PRPSAP2: variants seen among roughly 807,000 people sequenced by gnomAD.
PRPSAP2 encodes phosphoribosyl pyrophosphate synthetase associated protein 2.
A neutral mutation model predicts 40.6 loss-of-function variants in PRPSAP2; 24 were observed. The observed-to-expected ratio is 0.59, with a 90% CI of 0.43 to 0.83. The LOEUF (loss-of-function observed/expected upper bound fraction) is 0.83. Ranked by LOEUF, PRPSAP2 falls within the 40% of genes least tolerant of loss-of-function variation. PRPSAP2 has a pLI of 0.00. For synonymous variants in PRPSAP2, 149 were observed against 164.7 expected, an observed-to-expected ratio of 0.90 and a Z score of 0.73; for missense variants, 292 against 465.6, an observed-to-expected ratio of 0.63 and a Z score of 3.43.
chr17:18,868,929 T>A (rs1421519862), intron 4 of PRPSAP2, among the ~76,000 whole-genome samples: 2 of 152,134 alleles, frequency 1.3e-5, no homozygotes, highest in Non-Finnish European at 2.9e-5. Context: ...GGCACAAGTT[T>A]TGCTGTTCCC....
At chr17:18,929,257 T>C (rs1389475189) in intron 11 of PRPSAP2, among the ~76,000 whole-genome samples, 1 of 151,940 alleles carries the variant, frequency 6.6e-6, no homozygotes, top group Non-Finnish European at 1.5e-5. Context: ...CTTGGGAGGC[T>C]GAGGCAAGAG....
intron 8 of PRPSAP2, among the ~76,000 whole-genome samples, chr17:18,903,748 A>G (rs182408932): frequency 1.4e-3 from 219 of 152,244 alleles, no homozygotes; most frequent in Admixed American, 3.3e-3. Flanking sequence ...ACAAAGTAAA[A>G]TAAAAAGGTA....
In PRPSAP2 at chr17:18,929,095, G is replaced by A. The variant is rs1054393690; in HGVS notation, c.951+138G>A. 6 of 1,298,298 alleles carry A rather than the reference G, an allele frequency of 4.6e-6. No individual in the cohort carries two copies. The African/African-American group carries it at 6.0e-5, about 13-fold the overall frequency. 80.4% of individuals were successfully genotyped at this position (1,298,298 alleles called of 1,614,324 possible). A position where few individuals can be genotyped will look rare whatever the true frequency, so the allele number is the denominator to read the frequency against. On this transcript the variant is annotated intron_variant, in intron 11 of 11. Transcript: ENST00000268835. ...TCAAGGGCTGGGTGCAGTGGTTCACGCCTGTAATCCCAGCACTTTGGGAGG... is the reference window on the plus strand; with the variant it reads ...TCAAGGGCTGGGTGCAGTGGTTCACACCTGTAATCCCAGCACTTTGGGAGG...
rs145030020 is a variant in PRPSAP2, at chr17:18,892,045, T to G, written c.584+2168T>G. ...GTAATTTTTGTATTTCTGGTAGAGA[T>G]GAGGTTTCACCATGTTGGTCAGGCT... On this transcript the variant is annotated intron_variant, in intron 8 of 11. Coordinates refer to ENST00000268835, the MANE Select transcript of PRPSAP2 (RefSeq NM_002767.4). 3.9e-3 allele frequency among the ~76,000 whole-genome samples: 592 copies of G among 152,284 alleles called. 1 individual carries two copies. The highest frequency in any genetic ancestry group is 0.013 in the African/African-American group (541 of 41,554).
chr17:18,863,178 G>C (rs1301875103), intron 1 of PRPSAP2, among the ~76,000 whole-genome samples: 1 of 151,946 alleles, frequency 6.6e-6, no homozygotes, highest in Non-Finnish European at 1.5e-5. Context: ...CCATCGTCCA[G>C]GCAGGAGTGC....
rs750772202 is a variant in PRPSAP2, at chr17:18,865,801, G to A, written c.-32-1G>A. On this transcript the variant is annotated splice_acceptor_variant, in intron 2 of 11. Coordinates refer to ENST00000268835, the MANE Select transcript of PRPSAP2 (RefSeq NM_002767.4). LOFTEE classifies it low-confidence loss of function (5UTR_SPLICE). Reference sequence around the variant, plus strand: ...TTTTAATAAGTATTATATCCTTCTAGGCTCTGAAAATTGGAAAACCAAGAA... The same window carrying A: ...TTTTAATAAGTATTATATCCTTCTAAGCTCTGAAAATTGGAAAACCAAGAA... 9 of 1,438,148 alleles carry A rather than the reference G, an allele frequency of 6.3e-6. 1 individual carries two copies. Among genetic ancestry groups the A allele is most frequent in the Admixed American group, 4.2e-5 (2 of 47,398 alleles). 89.1% of individuals were successfully genotyped at this position (1,438,148 alleles called of 1,614,324 possible).
At chr17:18,904,844 C>T (rs939662525) in intron 8 of PRPSAP2, 1 of 152,106 alleles carries the variant, frequency 6.6e-6, no homozygotes, top group Non-Finnish European at 1.5e-5. Flanking sequence ...CATTATCGTA[C>T]AATCAGGATC....
intron 1 of PRPSAP2, among the ~76,000 whole-genome samples, chr17:18,862,802 T>C (rs72842306): frequency 0.51 from 63,180 of 124,292 alleles, 13,525 homozygotes; most frequent in Middle Eastern, 0.55. Flanking sequence ...TTTATTTATT[T>C]ATTTATTTAT....
In PRPSAP2 at chr17:18,872,530, GA is replaced by G. The variant is rs568403689; in HGVS notation, c.173-48del. ...TAATACAGATTTTTTTGTGTATTTT[GA>G]AAAATTTGAACTATATGCCTTTCCC... On this transcript the variant is annotated intron_variant, in intron 4 of 11. Coordinates refer to ENST00000268835, the MANE Select transcript of PRPSAP2 (RefSeq NM_002767.4). The G allele has an allele frequency of 3.7e-3, 5,151 of 1,389,754 alleles. 17 individuals carry two copies. The highest frequency in any genetic ancestry group is 4.6e-3 in the Non-Finnish European group (4,576 of 991,152). 86.1% of individuals were successfully genotyped at this position (1,389,754 alleles called of 1,614,324 possible).
chr17:18,865,992 G>A, intron 3 of PRPSAP2, 40 bp downstream of exon 3: 3 of 1,308,932 alleles, frequency 2.3e-6, no homozygotes, highest in African/African-American at 1.5e-5. Flanking sequence ...TATTCATTAT[G>A]TGATGCTTTA....
In PRPSAP2 at chr17:18,877,728, G is replaced by C. The variant is rs754553601; in HGVS notation, c.270G>C (p.Leu90=). The C allele has an allele frequency of 3.7e-6, 6 of 1,610,556 alleles. No individual in the cohort carries two copies. In the East Asian group the frequency reaches 1.1e-4, roughly 30 times the overall value. ...KDVNTTIMEL[L]IMVYACKTSC... ...TGAACACCACCATCATGGAGCTCCT[G>C]ATCATGGTGTATGCATGTAAGACCT... The change falls in exon 6 of 12, where the codon CTG becomes CTC. Residue 90 remains leucine, a synonymous_variant. Transcript: ENST00000268835.
chr17:18,866,116 T>G (rs1597516456), intron 3 of PRPSAP2, among the ~76,000 whole-genome samples, 164 bp downstream of exon 3: 1 of 152,184 alleles, frequency 6.6e-6, no homozygotes, highest in Middle Eastern at 3.4e-3. Context: ...ATGCAAGATG[T>G]TCATGTAGTA....
intron 6 of PRPSAP2, among the ~76,000 whole-genome samples, chr17:18,882,003 G>A (rs1044688789): frequency 1.2e-4 from 18 of 151,376 alleles, no homozygotes; most frequent in African/African-American, 4.1e-4. Context: ...ACCACGCCCA[G>A]CTAATTTTTG....
chr17:18,856,718 AG>A (rs2151863378), upstream of PRPSAP2, among the ~76,000 whole-genome samples: 1 of 152,354 alleles, frequency 6.6e-6, no homozygotes, highest in African/African-American at 2.4e-5. Flanking sequence ...AGGTAAGTGA[AG>A]ACTGGTGCAA....
chr17:18,892,465 A>G lies in PRPSAP2; in HGVS notation c.584+2588A>G, dbSNP rs545443246. Among the ~76,000 whole-genome samples, 70 of 152,150 alleles carry G rather than the reference A, an allele frequency of 4.6e-4. No homozygotes were observed. In the South Asian group the frequency reaches 0.013, roughly 29 times the overall value. The stretch of plus-strand genomic sequence containing the variant: ...CCACCAGCAGAGTATGAGGGTTCCA[A>G]CTTCTCCACATCTTCACCAACACTT... On this transcript the variant is annotated intron_variant, in intron 8 of 11. Coordinates refer to ENST00000268835, the MANE Select transcript of PRPSAP2 (RefSeq NM_002767.4).
chr17:18,873,295 T>A (rs910846515), intron 5 of PRPSAP2, among the ~76,000 whole-genome samples: 1 of 92,364 alleles, frequency 1.1e-5, no homozygotes. Flanking sequence ...CCGCAACCTC[T>A]GCTTCCCAGG....
chr17:18,862,581 A>G (rs1697754698), intron 1 of PRPSAP2, among the ~76,000 whole-genome samples: 1 of 152,122 alleles, frequency 6.6e-6, no homozygotes. Flanking sequence ...CAGAAATTTT[A>G]CAGTCACCTG....
intron 5 of PRPSAP2, among the ~76,000 whole-genome samples, chr17:18,875,069 A>G (rs2038175677): frequency 6.6e-6 from 1 of 152,072 alleles, no homozygotes; most frequent in Admixed American, 6.6e-5. Context: ...ACATTTCAAT[A>G]CTTATCCTGT....
At chr17:18,863,110 G>A (rs1474330782) in intron 1 of PRPSAP2, among the ~76,000 whole-genome samples, 5 of 151,940 alleles carry the variant, frequency 3.3e-5, no homozygotes, top group African/African-American at 2.4e-5. Flanking sequence ...ATGAGCCACC[G>A]TGCCCGGCAA....
Sources: allele counts gnomAD v4.1 joint callset (sites outside exome capture counted in the v4.1 genomes callset), GRCh38; gene constraint gnomAD v4.1.1; transcripts MANE v1.5; gene names NCBI Gene and HGNC (gene_info 2026-07-23, HGNC 2026-07-21).